Variants in CNTNAP2 observed in about 807,000 individuals in gnomAD.
The protein encoded by CNTNAP2 is contactin-associated protein-like 2.
In CNTNAP2, 98 loss-of-function variants were observed where a neutral mutation model predicts 155.2. That is an observed-to-expected ratio of 0.63 (90% CI 0.54 to 0.75). The LOEUF is 0.75. Ranked by LOEUF, CNTNAP2 falls within the 30% of genes least tolerant of loss-of-function variation. The probability of loss-of-function intolerance (pLI) is 0.00; values close to 1 mark genes in which losing one functional copy is unlikely to be tolerated. For synonymous variants in CNTNAP2, 651 were observed against 631.2 expected, an observed-to-expected ratio of 1.03 and a Z score of -0.47; for missense variants, 1,727 against 1,688.1, an observed-to-expected ratio of 1.02 and a Z score of -0.40.
chr7:148,384,306 A>G (rs536479157), intron 22 of CNTNAP2, among the ~76,000 whole-genome samples: 1 of 152,252 alleles, frequency 6.6e-6, no homozygotes, highest in East Asian at 1.9e-4. Context: ...CTGGCTCTGT[A>G]TTTATATGAA....
chr7:148,369,294 G>T (rs1798845555), intron 21 of CNTNAP2, among the ~76,000 whole-genome samples: 1 of 138,886 alleles, frequency 7.2e-6, no homozygotes, highest in African/African-American at 2.7e-5. Context: ...CGCCTCCCAG[G>T]TTCAAGCCAT....
At chr7:147,475,141 A>AG (rs1584756694) in intron 10 of CNTNAP2, among the ~76,000 whole-genome samples, 1 of 152,330 alleles carries the variant, frequency 6.6e-6, no homozygotes, top group East Asian at 1.9e-4. Context: ...TTTCTAACCA[A>AG]TAAATATTTT....
chr7:146,424,799 T>C lies in CNTNAP2; in HGVS notation c.97+307826T>C, dbSNP rs550474363. Among the ~76,000 whole-genome samples, 212 of 152,188 alleles carry C rather than the reference T, an allele frequency of 1.4e-3. 2 individuals carry two copies. The highest frequency in any genetic ancestry group is 1.6e-3 in the Non-Finnish European group (110 of 67,996). On this transcript the variant is annotated intron_variant, in intron 1 of 23. Transcript: ENST00000361727. ...TCATCTAAAAACAGCAGAAAAGAGATTAAGGGAAGGGCTCAGAGAGAGTAG... is the reference window on the plus strand; with the variant it reads ...TCATCTAAAAACAGCAGAAAAGAGACTAAGGGAAGGGCTCAGAGAGAGTAG...
chr7:146,488,289 C>G (rs913454241), intron 1 of CNTNAP2, among the ~76,000 whole-genome samples: 2 of 119,742 alleles, frequency 1.7e-5, no homozygotes, highest in Non-Finnish European at 3.4e-5. Flanking sequence ...CCCTCCCTCC[C>G]TCCCTCCCTC....
intron 1 of CNTNAP2, among the ~76,000 whole-genome samples, chr7:146,270,629 A>G (rs1469023917): frequency 6.6e-6 from 1 of 152,198 alleles, no homozygotes; most frequent in Non-Finnish European, 1.5e-5. Flanking sequence ...TTACATAAAT[A>G]TTATATTCTT....
intron 9 of CNTNAP2, among the ~76,000 whole-genome samples, chr7:147,353,149 A>G (rs1422973813): frequency 2.0e-5 from 3 of 151,576 alleles, no homozygotes; most frequent in Non-Finnish European, 4.4e-5. Context: ...ATATGTACAT[A>G]TATATATGTA....
At chr7:147,495,515 T>C (rs1321672529) in intron 11 of CNTNAP2, among the ~76,000 whole-genome samples, 1 of 152,202 alleles carries the variant, frequency 6.6e-6, no homozygotes, top group Non-Finnish European at 1.5e-5. Flanking sequence ...CCTGCCAATA[T>C]TATTGTGAAG....
chr7:147,826,291 T>G (rs1185885026), intron 13 of CNTNAP2, among the ~76,000 whole-genome samples: 1 of 152,174 alleles, frequency 6.6e-6, no homozygotes, highest in African/African-American at 2.4e-5. Context: ...AAACACAAAA[T>G]CTAGTTCAAT....
At chr7:146,714,659 G>T (rs1801156328) in intron 1 of CNTNAP2, among the ~76,000 whole-genome samples, 1 of 152,088 alleles carries the variant, frequency 6.6e-6, no homozygotes, top group Non-Finnish European at 1.5e-5. Flanking sequence ...AAGTTTTCGA[G>T]TTAAGATAAC....
intron 8 of CNTNAP2, among the ~76,000 whole-genome samples, chr7:147,144,440 C>T (rs142876623): frequency 6.6e-6 from 1 of 152,272 alleles, no homozygotes; most frequent in Non-Finnish European, 1.5e-5. Context: ...ATAGAGCTAA[C>T]ACATTCTCCA....
At chr7:148,246,767 C>T (rs1796269035) in intron 20 of CNTNAP2, among the ~76,000 whole-genome samples, 1 of 152,162 alleles carries the variant, frequency 6.6e-6, no homozygotes, top group South Asian at 2.1e-4. Context: ...GCCATTAGCT[C>T]CCTGAGTTAG....
intron 13 of CNTNAP2, among the ~76,000 whole-genome samples, chr7:147,848,468 G>A (rs1408550074): frequency 1.0e-4 from 15 of 150,318 alleles, no homozygotes; most frequent in African/African-American, 2.4e-4. Context: ...CACACGGTGC[G>A]CACACACACT....
intron 1 of CNTNAP2, among the ~76,000 whole-genome samples, chr7:146,577,269 G>A (rs914065106): frequency 3.9e-5 from 6 of 152,010 alleles, no homozygotes; most frequent in Non-Finnish European, 5.9e-5. Flanking sequence ...TCTTTTATTG[G>A]CAGTTAAGTT....
chr7:146,970,385 C>G (rs1797760698), intron 3 of CNTNAP2, among the ~76,000 whole-genome samples: 1 of 151,936 alleles, frequency 6.6e-6, no homozygotes, highest in South Asian at 2.1e-4. Flanking sequence ...ACAACCCCAT[C>G]AAAAAGTGGG....
intron 1 of CNTNAP2, among the ~76,000 whole-genome samples, chr7:146,337,090 G>A (rs182096955): frequency 1.2e-4 from 19 of 152,222 alleles, no homozygotes; most frequent in East Asian, 1.2e-3. Context: ...CTATAGTTAC[G>A]TTAAATGAAT....
intron 12 of CNTNAP2, among the ~76,000 whole-genome samples, chr7:147,620,339 G>A (rs1394063662): frequency 1.3e-5 from 2 of 152,062 alleles, no homozygotes; most frequent in Non-Finnish European, 2.9e-5. Context: ...GCTAAATAAG[G>A]TACCAGGAAC....
chr7:148,345,268 G>A (rs1798304233), intron 21 of CNTNAP2, among the ~76,000 whole-genome samples: 1 of 152,178 alleles, frequency 6.6e-6, no homozygotes, highest in Admixed American at 6.5e-5. Context: ...AAGGTACGGA[G>A]AATGATGGGA....
intron 3 of CNTNAP2, among the ~76,000 whole-genome samples, chr7:147,026,397 TACC>T (rs1022805741): frequency 6.6e-6 from 1 of 152,184 alleles, no homozygotes; most frequent in South Asian, 2.1e-4. Flanking sequence ...AACAAAATAT[TACC>T]ACATCTAAAT....
intron 11 of CNTNAP2, among the ~76,000 whole-genome samples, chr7:147,514,719 C>T (rs544342989): frequency 6.6e-6 from 1 of 152,004 alleles, no homozygotes; most frequent in Admixed American, 6.6e-5. Context: ...AGAGAATGGG[C>T]CATCCTACCC....
Sources: gnomAD v4.1 joint callset for allele counts (sites outside exome capture counted in the v4.1 genomes callset) on GRCh38, gnomAD v4.1.1 for gene constraint, MANE v1.5 for transcripts, NCBI Gene and HGNC (gene_info 2026-07-23, HGNC 2026-07-21) for gene names.